Variants in RNMT observed in about 807,000 individuals in gnomAD.
The protein encoded by RNMT is mRNA cap guanine-N(7) methyltransferase.
In RNMT, 27 loss-of-function variants were observed where a neutral mutation model predicts 56.0. The ratio of observed to expected loss-of-function variants is 0.48; its 90% CI spans 0.36 to 0.67. The LOEUF (loss-of-function observed/expected upper bound fraction) is 0.67. RNMT is among the 30% of genes least tolerant of loss of function. RNMT has a pLI of 0.00. For missense variants in RNMT, 519 were observed against 552.1 expected (o/e 0.94, Z 0.60); for synonymous variants, 184 against 176.2 (o/e 1.04, Z -0.35).
At chr18:13,728,885 G>A (rs946871780) in intron 1 of RNMT, among the ~76,000 whole-genome samples, 7 of 152,056 alleles carry the variant, frequency 4.6e-5, no homozygotes, top group Admixed American at 2.0e-4. Context: ...TGTGAATCCC[G>A]TCAGATGAAT....
Position 13,731,576 on chromosome 18 carries a change from C to G in RNMT, c.59C>G (p.Ala20Gly). Reference sequence around the variant, plus strand: ...AAGATGTCTCTTGAACAGGCAAAAGCGTCAGTGAATTCTGAAACAGAGTCT... The same window carrying G: ...AAGATGTCTCTTGAACAGGCAAAAGGGTCAGTGAATTCTGAAACAGAGTCT... ...YEKMSLEQAK[A>G]SVNSETESSF... Residue 20 changes from alanine to glycine, a missense_variant, in exon 3 of 12, where the codon GCG (alanine) becomes GGG (glycine). Coordinates refer to ENST00000383314, the MANE Select transcript of RNMT (RefSeq NM_003799.3). 6.2e-7 allele frequency: 1 copy of G among 1,612,680 alleles called. No homozygotes were observed. Among genetic ancestry groups the G allele is most frequent in the Non-Finnish European group, 8.5e-7 (1 of 1,179,612 alleles).
chr18:13,728,650 T>G (rs894086557), intron 1 of RNMT, among the ~76,000 whole-genome samples: 1 of 152,106 alleles, frequency 6.6e-6, no homozygotes, highest in Non-Finnish European at 1.5e-5. Flanking sequence ...ATCCATTTTT[T>G]AAAAATCTTT....
chr18:13,756,986 G>A (rs2044553932), intron 11 of RNMT, among the ~76,000 whole-genome samples: 1 of 152,154 alleles, frequency 6.6e-6, no homozygotes, highest in African/African-American at 2.4e-5. Flanking sequence ...GGCATACCTT[G>A]GAGATACTGC....
chr18:13,761,587 C>A lies in RNMT; in HGVS notation c.*1608C>A. 1 of 992,842 alleles carries A rather than the reference C, an allele frequency of 1.0e-6. No individual in the cohort carries two copies. The highest frequency in any genetic ancestry group is 1.2e-6 in the Non-Finnish European group (1 of 834,090). 61.5% of individuals were successfully genotyped at this position (992,842 alleles called of 1,614,324 possible). A position where few individuals can be genotyped will look rare whatever the true frequency, so the allele number is the denominator to read the frequency against. On this transcript the variant is annotated 3_prime_UTR_variant, in exon 12 of 12. Transcript: ENST00000383314. ...TGGGTAACTTGGGGGAGAGAAGAAT[C>A]CTCCAAACGATGGAGTAGCCAGTGG...
chr18:13,753,206 C>CGCCT (rs2044481086), intron 10 of RNMT, among the ~76,000 whole-genome samples: 1 of 152,166 alleles, frequency 6.6e-6, no homozygotes, highest in Non-Finnish European at 1.5e-5. Flanking sequence ...CAGTGGCTCA[C>CGCCT]GCCTGTAATC....
chr18:13,747,885 A>G (rs1391464199), intron 9 of RNMT, among the ~76,000 whole-genome samples: 1 of 152,246 alleles, frequency 6.6e-6, no homozygotes, highest in African/African-American at 2.4e-5. Context: ...CCTGTCCCAC[A>G]TATACAGCAT....
At chr18:13,755,626 CTATT>C (rs1248399514) in intron 11 of RNMT, among the ~76,000 whole-genome samples, 5 of 152,126 alleles carry the variant, frequency 3.3e-5, no homozygotes, top group African/African-American at 1.2e-4. Flanking sequence ...TATTTTGAGG[CTATT>C]TGTCTTTGAA....
Position 13,760,810 on chromosome 18 carries a change from A to G in RNMT, c.*831A>G. The G allele has an allele frequency of 1.0e-6, 1 of 985,434 alleles. No individual in the cohort carries two copies. Among genetic ancestry groups the G allele is most frequent in the Non-Finnish European group, 1.2e-6 (1 of 829,908 alleles). 61.0% of individuals were successfully genotyped at this position (985,434 alleles called of 1,614,324 possible). ...ATTTATACATGGAACTGCAGTAGGA[A>G]TATTCTCACCATCTGATGCCATGTA... On this transcript the variant is annotated 3_prime_UTR_variant, in exon 12 of 12. Transcript: ENST00000383314.
rs370514852 is a variant in RNMT at position 13,742,558 on chromosome 18, G to C, written c.1045G>C (p.Gly349Arg). The part of the protein sequence containing the change: ...EIYTVKFQKK[G>R]DYPLFGCKYD... The stretch of plus-strand genomic sequence containing the variant: ...ATATACTGTGAAATTTCAGAAGAAA[G>C]GAGATTATCCTTTATTTGGCTGCAA... The change falls in exon 8 of 12, where the codon GGA becomes CGA. Residue 349 changes from glycine to arginine, a missense_variant. Gly to Arg is a moderately radical substitution (Grantham distance 125, BLOSUM62 -2). Transcript: ENST00000383314. 5.6e-5 allele frequency: 90 copies of C among 1,613,310 alleles called. No homozygotes were observed. Among genetic ancestry groups the C allele is most frequent in the Non-Finnish European group, 7.5e-5 (88 of 1,179,606 alleles).
Position 13,762,375 on chromosome 18 carries a change from T to C in RNMT, c.*2396T>C. Reference sequence around the variant, plus strand: ...TTAACCACTTCTGTGGGAGCCGTGTTCTAACCTGTGGAAAGTATTGCAATT... The same window carrying C: ...TTAACCACTTCTGTGGGAGCCGTGTCCTAACCTGTGGAAAGTATTGCAATT... On this transcript the variant is annotated 3_prime_UTR_variant, in exon 12 of 12. Transcript: ENST00000383314. 3.7e-6 allele frequency: 2 copies of C among 541,782 alleles called. No individual in the cohort carries two copies. Among genetic ancestry groups the C allele is most frequent in the Non-Finnish European group, 6.5e-6 (2 of 306,726 alleles). The allele number at this position is 541,782 out of a possible 1,614,324, so 33.6% of individuals were successfully genotyped here.
Position 13,742,262 on chromosome 18 carries a change from G to C in RNMT, c.975-226G>C, listed in dbSNP as rs141320647. On this transcript the variant is annotated intron_variant, in intron 7 of 11. Transcript: ENST00000383314. The stretch of plus-strand genomic sequence containing the variant: ...AGGCAGGAGGATCACTTGAGCCCAG[G>C]AGTTGGTGGCTGTAGTGAGCTATGA... Among the ~76,000 whole-genome samples the C allele has an allele frequency of 3.2e-3, 484 of 151,894 alleles. 3 individuals are homozygous for C. Among genetic ancestry groups the C allele is most frequent in the Admixed American group, 4.2e-3 (64 of 15,258 alleles).
At chr18:13,742,959 C>A in intron 8 of RNMT, 5 of 182,716 alleles carry the variant, frequency 2.7e-5, no homozygotes, top group South Asian at 1.6e-4. Context: ...CCTGACACTG[C>A]AAATAGCAAA....
chr18:13,728,687 G>A (rs1206063872), intron 1 of RNMT, among the ~76,000 whole-genome samples: 1 of 152,008 alleles, frequency 6.6e-6, no homozygotes, highest in Non-Finnish European at 1.5e-5. Flanking sequence ...TAACCGAGAT[G>A]AGATGGTATC....
chr18:13,761,575 G>A lies in RNMT; in HGVS notation c.*1596G>A, dbSNP rs1490107298. The A allele has an allele frequency of 1.0e-6, 1 of 992,352 alleles. No homozygotes were observed. The highest frequency in any genetic ancestry group is 1.2e-6 in the Non-Finnish European group (1 of 833,896). The allele number at this position is 992,352 out of a possible 1,614,324, so 61.5% of individuals were successfully genotyped here. On this transcript the variant is annotated 3_prime_UTR_variant, in exon 12 of 12. Transcript: ENST00000383314. ...TCTTCCACGCCATGGGTAACTTGGG[G>A]GAGAGAAGAATCCTCCAAACGATGG...
chr18:13,755,226 A>C (rs1016348586), intron 11 of RNMT, among the ~76,000 whole-genome samples: 5 of 152,354 alleles, frequency 3.3e-5, no homozygotes, highest in South Asian at 4.1e-4. Context: ...CTACTAGGCA[A>C]ATTTTTAAGT....
intron 1 of RNMT, among the ~76,000 whole-genome samples, chr18:13,727,971 T>C (rs970938155): frequency 1.3e-5 from 2 of 152,234 alleles, no homozygotes; most frequent in African/African-American, 4.8e-5. Context: ...TATGCTACAT[T>C]ATCTTTATTC....
chr18:13,728,818 G>A (rs1206691194), intron 1 of RNMT, among the ~76,000 whole-genome samples: 1 of 151,988 alleles, frequency 6.6e-6, no homozygotes, highest in Non-Finnish European at 1.5e-5. Context: ...TTGCCCATTT[G>A]TAGTAGGATT....
At chr18:13,757,428 A>T (rs2044562132) in intron 11 of RNMT, among the ~76,000 whole-genome samples, 1 of 152,186 alleles carries the variant, frequency 6.6e-6, no homozygotes, top group African/African-American at 2.4e-5. Context: ...ACTGGTCTTT[A>T]TCAACTAAGT....
chr18:13,758,102 A>G (rs1477798603), intron 11 of RNMT, among the ~76,000 whole-genome samples: 1 of 152,190 alleles, frequency 6.6e-6, no homozygotes, highest in Non-Finnish European at 1.5e-5. Context: ...CGTGATGTGA[A>G]CAGATATGCT....
Sources: allele counts gnomAD v4.1 joint callset (sites outside exome capture counted in the v4.1 genomes callset), GRCh38; gene constraint gnomAD v4.1.1; transcripts MANE v1.5; gene names NCBI Gene and HGNC (gene_info 2026-07-23, HGNC 2026-07-21).